The following ADCY7 variants were observed in gnomAD, a reference collection of about 807,000 sequenced individuals.
ADCY7 encodes the protein adenylate cyclase type 7.
A neutral mutation model predicts 120.6 loss-of-function variants in ADCY7; 72 were observed. The observed-to-expected ratio is 0.60, with a 90% confidence interval of 0.49 to 0.73. The LOEUF (loss-of-function observed/expected upper bound fraction) is 0.73, where lower values mean the gene tolerates loss of function less well. ADCY7 is among the 30% of genes least tolerant of loss of function. The pLI is 0.00. For missense variants in ADCY7, 1,227 were observed against 1,486.0 expected (o/e 0.83, Z 2.87); for synonymous variants, 661 against 628.0 (o/e 1.05, Z -0.78).
At chr16:50,257,011 A>C (rs1234937559) in intron 1 of ADCY7, among the ~76,000 whole-genome samples, 1 of 152,168 alleles carries the variant, frequency 6.6e-6, no homozygotes, top group Non-Finnish European at 1.5e-5. Flanking sequence ...GGGTGAACCT[A>C]ATGGACATTA....
chr16:50,260,832 A>C (rs1358716054), intron 1 of ADCY7, among the ~76,000 whole-genome samples: 4 of 152,172 alleles, frequency 2.6e-5, no homozygotes, highest in African/African-American at 9.7e-5. Context: ...CTTCCCCTAG[A>C]GGGAGAGATC....
At position 50,305,442 on chromosome 16, in the gene ADCY7, C is replaced by T. The variant is rs532457045; in HGVS notation, c.1596-61C>T. 214 of 1,475,906 alleles carry T rather than the reference C, an allele frequency of 1.4e-4. 5 individuals carry two copies. In the South Asian group the frequency reaches 2.3e-3, roughly 16 times the overall value. The allele number at this position is 1,475,906 out of a possible 1,614,324, so 91.4% of individuals were successfully genotyped here. A position where few individuals can be genotyped will look rare whatever the true frequency, so the allele number is the denominator to read the frequency against. ...CCCCACTGGTGTCTACGTCCACACCCTCCTCTGGGAGAGTTGGAGGTGGTC... is the reference window on the plus strand; with the variant it reads ...CCCCACTGGTGTCTACGTCCACACCTTCCTCTGGGAGAGTTGGAGGTGGTC... On this transcript the variant is annotated intron_variant, in intron 12 of 25. Transcript: ENST00000673801.
intron 1 of ADCY7, among the ~76,000 whole-genome samples, chr16:50,285,352 A>T (rs901413046): frequency 6.6e-6 from 1 of 152,170 alleles, no homozygotes; most frequent in Non-Finnish European, 1.5e-5. Flanking sequence ...TGGTTTTACC[A>T]TTTTGTTCCT....
rs750960710 is a variant in ADCY7, at chr16:50,310,890, C to T, written c.2354+10C>T. On this transcript the variant is annotated intron_variant, in intron 19 of 25. Transcript: ENST00000673801. ...CCAACGGCACCACCAGGTGGGGTCC[C>T]GCCCGTCCCCGTCCCCATCCCCATG... is the stretch of plus-strand genomic sequence containing the variant. The T allele has an allele frequency of 2.2e-5, 34 of 1,575,262 alleles. No individual in the cohort carries two copies. In the Admixed American group the frequency reaches 3.1e-4, roughly 14 times the overall value.
intron 1 of ADCY7, among the ~76,000 whole-genome samples, chr16:50,247,379 T>G (rs1184701828): frequency 6.6e-6 from 1 of 151,946 alleles, no homozygotes; most frequent in African/African-American, 2.4e-5. Context: ...TTTTTTTTCT[T>G]GAAACAGGGC....
chr16:50,261,886 C>A (rs953038470), upstream of ADCY7, among the ~76,000 whole-genome samples: 1 of 152,222 alleles, frequency 6.6e-6, no homozygotes, highest in African/African-American at 2.4e-5. Context: ...CCGTGAACCC[C>A]CGACCTTAGG....
At chr16:50,274,161 A>G (rs2033732225) in intron 1 of ADCY7, 2 of 152,126 alleles carry the variant, frequency 1.3e-5, no homozygotes, top group Admixed American at 6.5e-5. Context: ...GCCACAGAGG[A>G]GGCCAGGGAA....
In ADCY7 at chr16:50,310,946, G is replaced by T. The variant is rs1239147477; in HGVS notation, c.2354+66G>T. On this transcript the variant is annotated intron_variant, in intron 19 of 25. Coordinates refer to ENST00000673801, the MANE Select transcript of ADCY7 (RefSeq NM_001114.5). ...CTGTTCATCTGGTGCCTGCCTGCTC[G>T]CACCAAGGGGCTTCTGTGTTCATGG... The T allele has an allele frequency of 2.8e-6, 4 of 1,446,734 alleles. No homozygotes were observed. The African/African-American group carries it at 4.2e-5, about 15-fold the overall frequency. The allele number at this position is 1,446,734 out of a possible 1,614,324, so 89.6% of individuals were successfully genotyped here.
At chr16:50,276,051 G>C (rs2033870643) in intron 1 of ADCY7, among the ~76,000 whole-genome samples, 1 of 152,242 alleles carries the variant, frequency 6.6e-6, no homozygotes. Context: ...CTGCCAGCAA[G>C]CCTGGAAGGC....
chr16:50,309,486 A>G (rs2036303341), intron 17 of ADCY7, 62 bp from the exon 18 acceptor site: 2 of 1,431,238 alleles, frequency 1.4e-6, no homozygotes, highest in South Asian at 1.2e-5. Context: ...CCCACCTTGC[A>G]TGGCTTGGGC....
In ADCY7 at chr16:50,308,371, T is replaced by C. The variant is rs1340255882; in HGVS notation, c.1895T>C (p.Leu632Pro). The C allele has an allele frequency of 3.1e-6, 5 of 1,614,076 alleles. No individual in the cohort carries two copies. Among genetic ancestry groups the C allele is most frequent in the South Asian group, 2.2e-5 (2 of 91,076 alleles). ...TCCTTCGGGCTGGTGGCCTGTGTAC[T>C]GGGGCTGGTGCTGGGCCTGTGCTTT... ...GVSFGLVACV[L>P]GLVLGLCFAT... is the part of the protein sequence containing the mutation. The change falls in exon 16 of 26, where the codon CTG becomes CCG. Residue 632 changes from leucine to proline, a missense_variant. Transcript: ENST00000673801.
chr16:50,268,403 C>G (rs2033351219), intron 1 of ADCY7, among the ~76,000 whole-genome samples: 1 of 152,004 alleles, frequency 6.6e-6, no homozygotes, highest in Non-Finnish European at 1.5e-5. Context: ...CCACCCCCAG[C>G]CTCTTTTCTT....
intron 1 of ADCY7, among the ~76,000 whole-genome samples, chr16:50,286,067 A>G (rs2034560917): frequency 6.6e-6 from 1 of 152,044 alleles, no homozygotes; most frequent in South Asian, 2.1e-4. Flanking sequence ...CACGGCTTGC[A>G]GACATCTGAA....
At chr16:50,266,198 G>C (rs578149023), upstream of ADCY7, among the ~76,000 whole-genome samples, 3 of 152,340 alleles carry the variant, frequency 2.0e-5, no homozygotes, top group Admixed American at 2.0e-4. Flanking sequence ...GAGCGTCAGA[G>C]CCCACAGGAG....
rs973946188 is a variant in ADCY7, at chr16:50,255,863, T to C, written c.-64+9660T>C. On this transcript the variant is annotated intron_variant, in intron 1 of 4. Transcript: ENST00000564044. ...AAAGGATAGCCTCTTCAATAAATGGTGTTGAGAAGACTGGGTTTTCACAGG... is the reference window on the plus strand; with the variant it reads ...AAAGGATAGCCTCTTCAATAAATGGCGTTGAGAAGACTGGGTTTTCACAGG... Among the ~76,000 whole-genome samples, 3 of 152,164 alleles carry C rather than the reference T, an allele frequency of 2.0e-5. No homozygotes were observed. In the South Asian group the frequency reaches 6.2e-4, roughly 32 times the overall value.
At chr16:50,270,706 C>T (rs886759708) in intron 1 of ADCY7, among the ~76,000 whole-genome samples, 1 of 152,212 alleles carries the variant, frequency 6.6e-6, no homozygotes, top group Non-Finnish European at 1.5e-5. Flanking sequence ...CTGTCACCTA[C>T]ATCCCTCGGA....
intron 21 of ADCY7, among the ~76,000 whole-genome samples, 162 bp from the exon 22 acceptor site, chr16:50,312,728 C>G (rs1175040087): frequency 6.6e-6 from 1 of 152,152 alleles, no homozygotes. Flanking sequence ...CTTAATCACC[C>G]GGTAACAGCC....
chr16:50,288,711 C>T (rs1016599509), intron 2 of ADCY7, among the ~76,000 whole-genome samples: 5 of 152,154 alleles, frequency 3.3e-5, no homozygotes, highest in African/African-American at 1.2e-4. Flanking sequence ...CTCCCAACCT[C>T]AGGTGATCCA....
intron 17 of ADCY7, chr16:50,309,020 A>G (rs1567577326): frequency 2.1e-6 from 1 of 468,712 alleles, no homozygotes; most frequent in Non-Finnish European, 3.7e-6. Context: ...GGAGGATGTG[A>G]TGCCTTGAGC....
Sources: gnomAD v4.1 joint callset for allele counts (sites outside exome capture counted in the v4.1 genomes callset) on GRCh38, gnomAD v4.1.1 for gene constraint, MANE v1.5 for transcripts, NCBI Gene and HGNC (gene_info 2026-07-23, HGNC 2026-07-21) for gene names.